Variants in ZNF202 observed in about 807,000 individuals in gnomAD.
ZNF202 encodes zinc finger protein with KRAB and SCAN domains 10.
Under a neutral mutation model 54.5 loss-of-function variants are expected in ZNF202, and 22 were observed. That is an observed-to-expected ratio of 0.40 (90% CI 0.29 to 0.58). The LOEUF (loss-of-function observed/expected upper bound fraction) is 0.58. ZNF202 is among the 20% of genes least tolerant of loss of function. The pLI, the probability that ZNF202 is intolerant of heterozygous loss-of-function variation, is 0.39. For synonymous variants in ZNF202, 294 were observed against 301.4 expected, an observed-to-expected ratio of 0.98 and a Z score of 0.26; for missense variants, 644 against 805.5, an observed-to-expected ratio of 0.80 and a Z score of 2.43.
intron 1 of ZNF202, among the ~76,000 whole-genome samples, chr11:123,741,169 G>A (rs534205420): frequency 1.1e-4 from 17 of 152,248 alleles, no homozygotes; most frequent in African/African-American, 3.9e-4. Context: ...GGAAAATAAA[G>A]GGGCCTAGAC....
At chr11:123,729,849 T>C in intron 4 of ZNF202, 24 bp from the exon 5 acceptor site, 1 of 1,577,744 alleles carries the variant, frequency 6.3e-7, no homozygotes, top group Non-Finnish European at 8.6e-7. Flanking sequence ...CAACTTCCAG[T>C]CACCATGGAG....
chr11:123,729,952 A>C, intron 4 of ZNF202, 127 bp from the exon 5 acceptor site: 1 of 984,600 alleles, frequency 1.0e-6, no homozygotes, highest in Non-Finnish European at 1.5e-6. Flanking sequence ...AGGAGGGGAA[A>C]CTCCAGTTTC....
chr11:123,738,061 G>C lies in ZNF202; in HGVS notation c.-98+2056C>G, dbSNP rs565163219. Among the ~76,000 whole-genome samples the C allele has an allele frequency of 6.9e-4, 105 of 152,288 alleles. 1 individual carries two copies. Among genetic ancestry groups the C allele is most frequent in the African/African-American group, 2.4e-3 (101 of 41,558 alleles). On this transcript the variant is annotated intron_variant, in intron 3 of 8. Transcript: ENST00000530393. ...AGGGTTTACTCTGTTGCTAAGACTG[G>C]AGTGCAGTGGCAAGATCACAACTCA... is the stretch of plus-strand genomic sequence containing the variant.
At chr11:123,740,062 A>G (rs965083429) in intron 3 of ZNF202, 55 bp downstream of exon 3, 2 of 152,238 alleles carry the variant, frequency 1.3e-5, no homozygotes, top group Admixed American at 6.5e-5. Flanking sequence ...ACTGTTTCAC[A>G]TTTTAAATCT....
In ZNF202 at chr11:123,726,566, T is replaced by C; in HGVS notation, c.1378A>G (p.Lys460Glu). ...ACAGGGGAGGTCTCTTCCAAATTCT[T>C]CCGGTTTAGGGGATATTTGTAAGGC... The part of the protein sequence containing the change: ...NAPYKYPLNR[K>E]NLEETSPVTQ... The change falls in exon 9 of 9, where the codon AAG (lysine) becomes GAG (glutamate). Residue 460 changes from lysine to glutamate, a missense_variant. By Grantham distance (56) the Lys-to-Glu change is moderately conservative. This residue lies in a region of ZNF202 where 536 missense variants were observed against 635.3 expected (regional missense o/e 0.84). Coordinates refer to ENST00000530393, the MANE Select transcript of ZNF202 (RefSeq NM_003455.4). The surrounding 1 kb of genome is among the most constrained non-coding windows in gnomAD (Gnocchi z 6.0). The C allele has an allele frequency of 6.2e-7, 1 of 1,614,210 alleles. No individual in the cohort carries two copies. Among genetic ancestry groups the C allele is most frequent in the South Asian group, 1.1e-5 (1 of 91,084 alleles).
chr11:123,728,411 AT>A, intron 6 of ZNF202, 149 bp from the exon 7 acceptor site: 1 of 1,074,514 alleles, frequency 9.3e-7, no homozygotes, highest in Non-Finnish European at 1.2e-6. Context: ...CGGGGGAGCC[AT>A]GTGTCCCCTG....
chr11:123,730,677 C>A lies in ZNF202; in HGVS notation c.212G>T (p.Cys71Phe). Reference sequence around the variant, plus strand: ...CCTCTCTGGTCTCAGCCACTGGTGACAAAGTTCTCGGAGTCTGATGAGAGC... The same window carrying A: ...CCTCTCTGGTCTCAGCCACTGGTGAAAAAGTTCTCGGAGTCTGATGAGAGC... ...REALIRLREL[C>F]HQWLRPERRT... The change falls in exon 4 of 9, where the codon TGT (cysteine) becomes TTT (phenylalanine). Residue 71 changes from cysteine (C) to phenylalanine (F), a missense_variant. Cys to Phe is a radical substitution (Grantham distance 205, BLOSUM62 -2). Around this residue, in one of 3 missense-constraint regions of ZNF202, gnomAD observed 62 missense variants for 122.8 expected, o/e 0.50. Coordinates refer to ENST00000530393, the MANE Select transcript of ZNF202 (RefSeq NM_003455.4). The surrounding 1 kb of genome is among the most constrained non-coding windows in gnomAD (Gnocchi z 6.0). The A allele has an allele frequency of 6.2e-7, 1 of 1,614,122 alleles. No individual in the cohort carries two copies.
chr11:123,737,781 C>A (rs1269894725), intron 3 of ZNF202, among the ~76,000 whole-genome samples: 1 of 152,180 alleles, frequency 6.6e-6, no homozygotes, highest in East Asian at 1.9e-4. Flanking sequence ...GTTCTGTCCA[C>A]TGCTCTACAT....
chr11:123,731,841 A>T (rs1316687868), intron 3 of ZNF202, among the ~76,000 whole-genome samples: 1 of 152,328 alleles, frequency 6.6e-6, no homozygotes, highest in East Asian at 1.9e-4. Context: ...TCAGTATTTT[A>T]AAACAAAACC....
At chr11:123,735,015 GA>G (rs35354577) in intron 3 of ZNF202, among the ~76,000 whole-genome samples, 97,837 of 148,924 alleles carry the variant, frequency 0.66, 32,283 homozygotes, top group Middle Eastern at 0.81. Context: ...CTTGGCATTT[GA>G]AAAAAAAAAA....
intron 1 of ZNF202, 44 bp downstream of exon 1, chr11:123,741,495 TGGTCCGGCCC>T (rs1338245534): frequency 6.6e-6 from 1 of 152,210 alleles, no homozygotes; most frequent in Admixed American, 6.5e-5. Flanking sequence ...CTGCCCGATC[TGGTCCGGCCC>T]GGTCCAGCCC....
intron 3 of ZNF202, among the ~76,000 whole-genome samples, chr11:123,732,569 T>A (rs529216882): frequency 2.6e-5 from 4 of 152,304 alleles, no homozygotes; most frequent in Admixed American, 2.0e-4. Flanking sequence ...TTTGATCCCA[T>A]TTCCCCTACT....
At chr11:123,741,107 G>A (rs1000575230) in intron 1 of ZNF202, among the ~76,000 whole-genome samples, 1 of 152,224 alleles carries the variant, frequency 6.6e-6, no homozygotes, top group East Asian at 1.9e-4. Flanking sequence ...GGGGCAAGGA[G>A]CCCGCGGAGA....
At chr11:123,727,063 T>G in intron 8 of ZNF202, 72 bp from the exon 9 acceptor site, 1 of 1,521,378 alleles carries the variant, frequency 6.6e-7, no homozygotes, top group South Asian at 1.3e-5. Context: ...TGGGGAGATT[T>G]TTACAAAGGG....
At chr11:123,731,682 G>T (rs1030078464) in intron 3 of ZNF202, among the ~76,000 whole-genome samples, 2 of 152,140 alleles carry the variant, frequency 1.3e-5, no homozygotes, top group Admixed American at 1.3e-4. Flanking sequence ...CTATAGAAGG[G>T]AGATAATAAT....
intron 3 of ZNF202, among the ~76,000 whole-genome samples, chr11:123,737,039 A>G (rs1861660162): frequency 6.6e-6 from 1 of 152,162 alleles, no homozygotes; most frequent in Admixed American, 6.5e-5. Flanking sequence ...CAAAGAAACC[A>G]TGCTAAACCA....
At chr11:123,727,755 G>A (rs1471356371) in intron 7 of ZNF202, among the ~76,000 whole-genome samples, 160 bp from the exon 8 acceptor site, 1 of 152,178 alleles carries the variant, frequency 6.6e-6, no homozygotes, top group Admixed American at 6.5e-5. Context: ...ACCAAGGACT[G>A]CGTATCTCTT....
chr11:123,741,189 C>G (rs1035249130), intron 1 of ZNF202, among the ~76,000 whole-genome samples: 3 of 152,128 alleles, frequency 2.0e-5, no homozygotes, highest in African/African-American at 7.2e-5. Context: ...CCACTCCTCC[C>G]TCGGTTCCGG....
chr11:123,730,351 G>A lies in ZNF202; in HGVS notation c.402+136C>T, dbSNP rs539452314. 1.3e-5 allele frequency: 14 copies of A among 1,080,922 alleles called. No individual in the cohort carries two copies. In the South Asian group the frequency reaches 3.0e-4, roughly 23 times the overall value. 67.0% of individuals were successfully genotyped at this position (1,080,922 alleles called of 1,614,324 possible). On this transcript the variant is annotated intron_variant, in intron 4 of 8. Transcript: ENST00000530393. The surrounding 1 kb of genome is among the most constrained non-coding windows in gnomAD (Gnocchi z 6.0). Reference sequence around the variant, plus strand: ...CACACACATCCCCCTAATCCATGGGGCTCATGGTATATGAGCAACCCAAGG... The same window carrying A: ...CACACACATCCCCCTAATCCATGGGACTCATGGTATATGAGCAACCCAAGG...
Sources: gnomAD v4.1 joint callset for allele counts (sites outside exome capture counted in the v4.1 genomes callset) on GRCh38, gnomAD v4.1.1 for gene constraint, gnomAD v4.1.1 regional missense constraint, Gnocchi (gnomAD v3.1) non-coding constraint, MANE v1.5 for transcripts, NCBI Gene and HGNC (gene_info 2026-07-23, HGNC 2026-07-21) for gene names.